The following CPT1A variants were observed in gnomAD, a reference collection of about 807,000 sequenced individuals.
CPT1A encodes the protein carnitine palmitoyltransferase 1A.
Under a neutral mutation model 100.8 loss-of-function variants are expected in CPT1A, and 64 were observed. That is an observed-to-expected ratio of 0.63 (90% CI 0.52 to 0.78). The LOEUF is 0.78. CPT1A is among the 30% of genes least tolerant of loss of function. The pLI is 0.00. For synonymous variants in CPT1A, 363 were observed against 396.0 expected (o/e 0.92, Z 0.99); for missense variants, 802 against 1,034.1 (o/e 0.78, Z 3.08).
chr11:68,829,498 T>C (rs184870440), intron 1 of CPT1A, among the ~76,000 whole-genome samples: 22 of 152,062 alleles, frequency 1.4e-4, no homozygotes, highest in Admixed American at 1.4e-3. Flanking sequence ...AGTTCAAGGA[T>C]GGCTAGAGGA....
At chr11:68,786,553 G>A (rs1365223296) in intron 9 of CPT1A, among the ~76,000 whole-genome samples, 2 of 152,062 alleles carry the variant, frequency 1.3e-5, no homozygotes, top group East Asian at 1.9e-4. Flanking sequence ...TTTTTGAGAC[G>A]GAGTCTCGCT....
At position 68,841,107 on chromosome 11, in the gene CPT1A, G is replaced by A. The variant is rs563083738; in HGVS notation, c.-14+668C>T. Reference sequence around the variant, plus strand: ...CACCGCGAGGGCGGGCATGGGGAGGGGGACCGGGGAGACGGACGCTGGGAT... The same window carrying A: ...CACCGCGAGGGCGGGCATGGGGAGGAGGACCGGGGAGACGGACGCTGGGAT... On this transcript the variant is annotated intron_variant, in intron 1 of 18. Transcript: ENST00000265641. This position sits in a 1 kb window ranked among gnomAD's most constrained non-coding sequence, Gnocchi z 6.3. Among the ~76,000 whole-genome samples, 84 of 152,356 alleles carry A rather than the reference G, an allele frequency of 5.5e-4. No homozygotes were observed. The highest frequency in any genetic ancestry group is 1.9e-3 in the African/African-American group (81 of 41,584).
intron 9 of CPT1A, chr11:68,785,950 G>C (rs1482736187): frequency 6.7e-5 from 47 of 697,532 alleles, no homozygotes; most frequent in Non-Finnish European, 4.7e-5. Context: ...ATGTGATGAA[G>C]TACGTTCACT....
chr11:68,828,745 G>GGCA (rs1856806729), intron 1 of CPT1A, among the ~76,000 whole-genome samples: 2 of 106,838 alleles, frequency 1.9e-5, no homozygotes, highest in African/African-American at 2.9e-5. Context: ...TTGGGCAAGC[G>GGCA]TCCGCCTCCT....
intron 14 of CPT1A, among the ~76,000 whole-genome samples, chr11:68,765,423 G>A (rs938283948): frequency 3.9e-5 from 6 of 152,144 alleles, no homozygotes; most frequent in African/African-American, 1.2e-4. Context: ...GGTTACAACT[G>A]CAGCACCCTT....
chr11:68,809,841 A>G (rs1332002618), intron 3 of CPT1A, among the ~76,000 whole-genome samples: 1 of 152,250 alleles, frequency 6.6e-6, no homozygotes, highest in Non-Finnish European at 1.5e-5. Flanking sequence ...CAACACTTCT[A>G]TATATAATCC....
At chr11:68,774,765 G>A (rs1855097758) in intron 13 of CPT1A, among the ~76,000 whole-genome samples, 1 of 145,142 alleles carries the variant, frequency 6.9e-6, no homozygotes, top group African/African-American at 2.6e-5. Flanking sequence ...CTGGGTGACA[G>A]TGCGAGACTA....
At chr11:68,806,633 G>GAAAAAAA (rs775579381) in intron 4 of CPT1A, among the ~76,000 whole-genome samples, 1 of 92,442 alleles carries the variant, frequency 1.1e-5, no homozygotes, top group Admixed American at 1.2e-4. Context: ...GTCTCAAAAA[G>GAAAAAAA]AAAAAAAAAA....
intron 15 of CPT1A, 76 bp from the exon 16 acceptor site, chr11:68,761,763 C>A: frequency 3.9e-6 from 6 of 1,524,510 alleles, no homozygotes; most frequent in Non-Finnish European, 5.5e-6. Flanking sequence ...TTAGCCACCG[C>A]ACCCGGCTAA....
At chr11:68,761,505 CA>C (rs772527719) in intron 16 of CPT1A, 29 bp downstream of exon 16, 1 of 1,611,592 alleles carries the variant, frequency 6.2e-7, no homozygotes, top group Non-Finnish European at 8.5e-7. Flanking sequence ...CTAGCCAATA[CA>C]ACTGACGGAA....
At chr11:68,776,633 C>T (rs1855148331) in intron 12 of CPT1A, among the ~76,000 whole-genome samples, 1 of 152,094 alleles carries the variant, frequency 6.6e-6, no homozygotes, top group Admixed American at 6.6e-5. Flanking sequence ...AATCCTAGCA[C>T]TTTGGGAGGC....
At chr11:68,801,940 C>A (rs1229322564) in intron 5 of CPT1A, among the ~76,000 whole-genome samples, 1 of 152,112 alleles carries the variant, frequency 6.6e-6, no homozygotes, top group Non-Finnish European at 1.5e-5. Context: ...TCCTTCCATA[C>A]AATGGAACAC....
rs1335358390 is a variant in CPT1A, at chr11:68,780,762, T to C, written c.1353-17A>G. The C allele has an allele frequency of 3.1e-6, 5 of 1,606,574 alleles. No individual in the cohort carries two copies. In the East Asian group the frequency reaches 1.1e-4, roughly 36 times the overall value. ...TCAAACCACCTACGTGAAACACACA[T>C]GTGTGGAACTTAAGTGTTTAAAGAG... On this transcript the variant is annotated splice_polypyrimidine_tract_variant and intron_variant, in intron 11 of 18. Coordinates refer to ENST00000265641, the MANE Select transcript of CPT1A (RefSeq NM_001876.4).
chr11:68,803,040 A>G (rs1166949139), intron 5 of CPT1A, among the ~76,000 whole-genome samples: 1 of 152,202 alleles, frequency 6.6e-6, no homozygotes, highest in Admixed American at 6.5e-5. Context: ...CCCTGTCCTC[A>G]GACCGGCTAG....
chr11:68,762,885 G>T, intron 14 of CPT1A, 124 bp from the exon 15 acceptor site: 1 of 1,266,602 alleles, frequency 7.9e-7, no homozygotes, highest in Non-Finnish European at 1.1e-6. Context: ...TTGAGACGGG[G>T]TCTTGCTGTT....
intron 14 of CPT1A, among the ~76,000 whole-genome samples, chr11:68,764,171 C>T (rs149671634): frequency 7.6e-4 from 116 of 152,264 alleles, no homozygotes; most frequent in African/African-American, 2.7e-3. Flanking sequence ...CAAGGCAGCA[C>T]GCGGCTGTGG....
chr11:68,784,956 C>A lies in CPT1A; in HGVS notation c.1022G>T (p.Arg341Leu). 2 of 1,614,050 alleles carry A rather than the reference C, an allele frequency of 1.2e-6. No homozygotes were observed. Among genetic ancestry groups the A allele is most frequent in the Non-Finnish European group, 1.7e-6 (2 of 1,180,024 alleles). Residue 341 changes from arginine (R) to leucine (L), a missense_variant, in exon 10 of 19, where the codon CGC (arginine) becomes CTC (leucine). Arg to Leu is a moderately radical substitution (Grantham distance 102). This residue lies in a region of CPT1A where 627 missense variants were observed against 799.3 expected (regional missense o/e 0.78). Coordinates refer to ENST00000265641, the MANE Select transcript of CPT1A (RefSeq NM_001876.4). ...ATGGTAGAGCCAGACCTTGAAGTAG[C>A]GTCCTCGATGGTACACGACGATGTG... is the stretch of plus-strand genomic sequence containing the variant. ...SKHIVVYHRG[R>L]YFKVWLYHDG...
At chr11:68,807,345 C>T in intron 4 of CPT1A, 122 bp downstream of exon 4, 1 of 1,015,092 alleles carries the variant, frequency 9.9e-7, no homozygotes, top group Non-Finnish European at 1.5e-6. Flanking sequence ...AAGGTTGAGG[C>T]CCAAGTCACC....
At chr11:68,793,517 G>A (rs1037118255) in intron 8 of CPT1A, 115 bp from the exon 9 acceptor site, 4 of 742,866 alleles carry the variant, frequency 5.4e-6, no homozygotes, top group Non-Finnish European at 9.1e-6. Flanking sequence ...AGGCTGAGGC[G>A]GGCGGATCAC....
Sources: gnomAD v4.1 joint callset for allele counts (sites outside exome capture counted in the v4.1 genomes callset) on GRCh38, gnomAD v4.1.1 for gene constraint, gnomAD v4.1.1 regional missense constraint, Gnocchi (gnomAD v3.1) non-coding constraint, MANE v1.5 for transcripts, NCBI Gene and HGNC (gene_info 2026-07-23, HGNC 2026-07-21) for gene names.